The following CPA3 variants were observed in gnomAD, a reference collection of about 807,000 sequenced individuals.
CPA3 encodes the protein mast cell carboxypeptidase A.
A neutral mutation model predicts 55.8 loss-of-function variants in CPA3; 52 were observed. That is an observed-to-expected ratio of 0.93 (90% CI 0.75 to 1.17). The LOEUF is 1.17. Among genes scored for constraint, CPA3 ranks in the 50% most tolerant of loss-of-function variants. CPA3 has a pLI of 0.00. For missense variants in CPA3, 547 were observed against 509.1 expected (o/e 1.07, Z -0.72); for synonymous variants, 179 against 171.2 (o/e 1.05, Z -0.36).
intron 10 of CPA3, among the ~76,000 whole-genome samples, chr3:148,895,583 A>T (rs1195644978): frequency 6.6e-6 from 1 of 152,192 alleles, no homozygotes; most frequent in Non-Finnish European, 1.5e-5. Context: ...TGTACCCTGC[A>T]ACAATTACTC....
chr3:148,896,705 T>A lies in CPA3; in HGVS notation c.1252T>A (p.Ter418LysextTer8), dbSNP rs747411043. 3.3e-6 allele frequency: 5 copies of A among 1,513,218 alleles called. No individual in the cohort carries two copies. In the East Asian group the frequency reaches 1.2e-4, roughly 35 times the overall value. 93.7% of individuals were successfully genotyped at this position (1,513,218 alleles called of 1,614,324 possible). A position where few individuals can be genotyped will look rare whatever the true frequency, so the allele number is the denominator to read the frequency against. The change falls in exon 11 of 11, where the codon TAA becomes AAA. Residue 418 changes from the stop codon to lysine, a stop_lost. Coordinates refer to ENST00000296046, the MANE Select transcript of CPA3 (RefSeq NM_001870.4). ...CAAGTATATCCTCAAGCATACTTCCTAAAGAACTGCCCTCTGTTTGGAATA... is the reference window on the plus strand; with the variant it reads ...CAAGTATATCCTCAAGCATACTTCCAAAAGAACTGCCCTCTGTTTGGAATA... ...IAKYILKHTS[*>K]
At chr3:148,865,861 T>A (rs1378769640) in intron 2 of CPA3, among the ~76,000 whole-genome samples, 4 of 152,126 alleles carry the variant, frequency 2.6e-5, no homozygotes, top group Non-Finnish European at 4.4e-5. Context: ...CGGGTGCCAT[T>A]CCCTCTCCAT....
intron 10 of CPA3, among the ~76,000 whole-genome samples, chr3:148,891,504 A>G (rs1008313906): frequency 4.0e-5 from 6 of 149,398 alleles, no homozygotes; most frequent in Middle Eastern, 3.4e-3. Context: ...ACACACACAC[A>G]CACACACATA....
At chr3:148,874,400 A>C (rs561737589) in intron 3 of CPA3, among the ~76,000 whole-genome samples, 1 of 152,330 alleles carries the variant, frequency 6.6e-6, no homozygotes, top group African/African-American at 2.4e-5. Flanking sequence ...AGCAAAAGCC[A>C]CGTGCCCTTT....
chr3:148,879,927 G>A, intron 6 of CPA3, 38 bp downstream of exon 6: 2 of 1,392,254 alleles, frequency 1.4e-6, no homozygotes, highest in South Asian at 1.2e-5. Flanking sequence ...TCCTTTGACT[G>A]CCAAGTCTCC....
At chr3:148,892,348 A>C (rs1267323374) in intron 10 of CPA3, among the ~76,000 whole-genome samples, 1 of 152,112 alleles carries the variant, frequency 6.6e-6, no homozygotes, top group Non-Finnish European at 1.5e-5. Flanking sequence ...TAGCAATGCA[A>C]AGGCTTTGAA....
chr3:148,895,217 C>G (rs542722432), intron 10 of CPA3, among the ~76,000 whole-genome samples: 27 of 152,298 alleles, frequency 1.8e-4, no homozygotes, highest in African/African-American at 5.3e-4. Flanking sequence ...TCCCTTTGCT[C>G]TGGTCCAGCT....
chr3:148,889,147 C>T (rs147074117), intron 10 of CPA3, among the ~76,000 whole-genome samples: 3 of 152,294 alleles, frequency 2.0e-5, no homozygotes, highest in African/African-American at 4.8e-5. Flanking sequence ...GCTTGATAAA[C>T]GATCAAGATT....
chr3:148,886,043 G>GTATT, intron 9 of CPA3, 50 bp from the exon 10 acceptor site: 1 of 1,256,670 alleles, frequency 8.0e-7, no homozygotes, highest in Non-Finnish European at 1.2e-6. Flanking sequence ...ATATTCCTTG[G>GTATT]TATTTACACA....
rs778216571 is a variant in CPA3, at chr3:148,869,052, C to A, written c.269+13C>A. On this transcript the variant is annotated intron_variant, in intron 3 of 10. Transcript: ENST00000296046. Reference sequence around the variant, plus strand: ...AAATGCACTATGAGTAAGTCCTTGGCAAATATTGAAATTTGTTGGATATTC... The same window carrying A: ...AAATGCACTATGAGTAAGTCCTTGGAAAATATTGAAATTTGTTGGATATTC... The A allele has an allele frequency of 5.0e-6, 8 of 1,607,986 alleles. No individual in the cohort carries two copies. The highest frequency in any genetic ancestry group is 1.1e-5 in the South Asian group (1 of 90,338).
rs200639407 is a variant in CPA3 at position 148,883,694 on chromosome 3, C to T, written c.860C>T (p.Thr287Ile). The T allele has an allele frequency of 3.1e-6, 5 of 1,614,094 alleles. No homozygotes were observed. Among genetic ancestry groups the T allele is most frequent in the East Asian group, 4.5e-5 (2 of 44,872 alleles). The stretch of plus-strand genomic sequence containing the variant: ...TCCGAGAAAGAGACGAAAGCTGTCA[C>T]TAATTTCATTAGAAGCCACCTGAAT... ...PESEKETKAV[T>I]NFIRSHLNEI... The change falls in exon 9 of 11, where the codon ACT becomes ATT. Residue 287 changes from threonine (T) to isoleucine (I), a missense_variant. Transcript: ENST00000296046.
intron 3 of CPA3, among the ~76,000 whole-genome samples, chr3:148,878,101 T>C (rs369914042): frequency 2.6e-5 from 4 of 152,234 alleles, no homozygotes; most frequent in Non-Finnish European, 5.9e-5. Context: ...ATAAAACTTA[T>C]TAGTGAGATA....
intron 10 of CPA3, among the ~76,000 whole-genome samples, chr3:148,888,654 C>T (rs1185285665): frequency 6.6e-6 from 1 of 152,206 alleles, no homozygotes; most frequent in Non-Finnish European, 1.5e-5. Context: ...GAGAGCAATT[C>T]CTCTAAGCAA....
rs35303662 is a variant in CPA3, at chr3:148,873,377, G to GCACACA, written c.269+4356_269+4361dup. Reference sequence around the variant, plus strand: ...CCAGTGCATGCACGCGCGCACACGCGCACACACACACACACACACACACCC... The same window carrying GCACACA: ...CCAGTGCATGCACGCGCGCACACGCGCACACACACACACACACACACACACACACCC... On this transcript the variant is annotated intron_variant, in intron 3 of 10. Transcript: ENST00000296046. 1.7e-4 allele frequency among the ~76,000 whole-genome samples: 25 copies of GCACACA among 146,022 alleles called. No homozygotes were observed. The East Asian group carries it at 2.2e-3, about 13-fold the overall frequency.
chr3:148,886,073 T>C lies in CPA3; in HGVS notation c.982-20T>C. 6.4e-7 allele frequency: 1 copy of C among 1,569,350 alleles called. No homozygotes were observed. The highest frequency in any genetic ancestry group is 8.8e-7 in the Non-Finnish European group (1 of 1,140,828). ...TACACAGTATCCTATTATTTCACTCTAACTTTCCTTTCTCTCCAGGCCAAA... is the reference window on the plus strand; with the variant it reads ...TACACAGTATCCTATTATTTCACTCCAACTTTCCTTTCTCTCCAGGCCAAA... On this transcript the variant is annotated intron_variant, in intron 9 of 10. Transcript: ENST00000296046.
intron 5 of CPA3, among the ~76,000 whole-genome samples, chr3:148,879,187 C>T (rs1482256324): frequency 6.6e-6 from 1 of 152,214 alleles, no homozygotes; most frequent in Non-Finnish European, 1.5e-5. Context: ...ACAATTTCCA[C>T]TCCATTGCTG....
At position 148,882,501 on chromosome 3, in the gene CPA3, G is replaced by A. The variant is rs376534861; in HGVS notation, c.688-4G>A. ...GTAAACACTTACGTCATTCAATCTG[G>A]CAGAACCGCATGTGGAGAAAAAATC... On this transcript the variant is annotated splice_region_variant and splice_polypyrimidine_tract_variant and intron_variant, in intron 7 of 10. Coordinates refer to ENST00000296046, the MANE Select transcript of CPA3 (RefSeq NM_001870.4). 6.2e-7 allele frequency: 1 copy of A among 1,612,500 alleles called. No individual in the cohort carries two copies. Among genetic ancestry groups the A allele is most frequent in the South Asian group, 1.1e-5 (1 of 90,978 alleles).
At chr3:148,878,036 T>A (rs143207129) in intron 3 of CPA3, among the ~76,000 whole-genome samples, 172 of 152,388 alleles carry the variant, frequency 1.1e-3, no homozygotes, top group African/African-American at 3.9e-3. Context: ...TAAAATTAAC[T>A]GTAGCAATAC....
At chr3:148,870,655 G>A (rs1039723470) in intron 3 of CPA3, among the ~76,000 whole-genome samples, 3 of 151,898 alleles carry the variant, frequency 2.0e-5, no homozygotes, top group Non-Finnish European at 4.4e-5. Context: ...AGAACTTAAA[G>A]TATAAAAATA....
Sources: gnomAD v4.1 joint callset for allele counts (sites outside exome capture counted in the v4.1 genomes callset) on GRCh38, gnomAD v4.1.1 for gene constraint, MANE v1.5 for transcripts, NCBI Gene and HGNC (gene_info 2026-07-23, HGNC 2026-07-21) for gene names.